The following MYO1H variants were observed in gnomAD, a reference collection of about 807,000 sequenced individuals.
The protein encoded by MYO1H is unconventional myosin-Ih.
In MYO1H, 118 loss-of-function variants were observed where a neutral mutation model predicts 149.3. That is an observed-to-expected ratio of 0.79 (90% CI 0.68 to 0.92). The LOEUF (loss-of-function observed/expected upper bound fraction) is 0.92, where lower values mean the gene tolerates loss of function less well. Ranked by LOEUF, MYO1H falls within the 40% of genes least tolerant of loss-of-function variation. MYO1H has a pLI of 0.00. For synonymous variants in MYO1H, 447 were observed against 465.2 expected, an observed-to-expected ratio of 0.96 and a Z score of 0.50; for missense variants, 1,212 against 1,280.7, an observed-to-expected ratio of 0.95 and a Z score of 0.82.
At chr12:109,425,030 G>A (rs189282641) in intron 17 of MYO1H, among the ~76,000 whole-genome samples, 44 of 152,286 alleles carry the variant, frequency 2.9e-4, no homozygotes, top group Admixed American at 1.4e-3. Context: ...AGCACTTTGG[G>A]AGGCCCAGGT....
intron 14 of MYO1H, 114 bp downstream of exon 14, chr12:109,412,099 C>A (rs1036909363): frequency 3.1e-6 from 2 of 655,278 alleles, no homozygotes; most frequent in Non-Finnish European, 5.1e-6. Context: ...ATAAAAATAT[C>A]TTTATGTATA....
the MYO1H span, among the ~76,000 whole-genome samples, chr12:109,329,735 A>G: frequency 2.6e-5 from 4 of 152,220 alleles, no homozygotes; most frequent in Non-Finnish European, 5.9e-5. Flanking sequence ...TGTTCTTACC[A>G]TGATGCTGTG....
chr12:109,432,793 C>T (rs916057246), intron 19 of MYO1H, 104 bp from the exon 20 acceptor site: 14 of 879,290 alleles, frequency 1.6e-5, no homozygotes, highest in Admixed American at 7.6e-5. Context: ...ACTGAGTGGC[C>T]GACATGCCAC....
chr12:109,326,592 G>T, the MYO1H span, among the ~76,000 whole-genome samples: 3 of 151,162 alleles, frequency 2.0e-5, no homozygotes, highest in African/African-American at 7.3e-5. Context: ...CACAATCTTG[G>T]CTCACTGCAA....
the MYO1H span, among the ~76,000 whole-genome samples, chr12:109,335,076 T>C: frequency 6.6e-6 from 1 of 152,248 alleles, no homozygotes; most frequent in Non-Finnish European, 1.5e-5. Flanking sequence ...ATCCATGTTG[T>C]AGCATGTAGC....
At chr12:109,408,582 G>A (rs1250297203) in intron 10 of MYO1H, among the ~76,000 whole-genome samples, 5 of 152,042 alleles carry the variant, frequency 3.3e-5, no homozygotes, top group South Asian at 2.1e-4. Context: ...CTTCAGTCAC[G>A]TTTCCTTTTC....
chr12:109,443,625 A>G lies in MYO1H; in HGVS notation c.2800A>G (p.Lys934Glu), dbSNP rs553581870. Residue 934 changes from lysine (K) to glutamate (E), a missense_variant, in exon 28 of 32, where the codon AAA (lysine) becomes GAA (glutamate). Coordinates refer to ENST00000310903, the Ensembl canonical transcript of MYO1H. Reference sequence around the variant, plus strand: ...GGTGGAACTTGCCAAAATCAAGCAGAAAATAGAGTACTCAGCTCTCAAAGG... The same window carrying G: ...GGTGGAACTTGCCAAAATCAAGCAGGAAATAGAGTACTCAGCTCTCAAAGG... 3.1e-6 allele frequency: 5 copies of G among 1,613,272 alleles called. No homozygotes were observed. In the South Asian group the frequency reaches 5.5e-5, roughly 18 times the overall value.
At chr12:109,389,718 G>A (rs1293281413) in intron 2 of MYO1H, among the ~76,000 whole-genome samples, 1 of 152,172 alleles carries the variant, frequency 6.6e-6, no homozygotes, top group Non-Finnish European at 1.5e-5. Context: ...TAGTGTCCCT[G>A]TGTGTGTCGT....
chr12:109,382,972 A>G (rs1003301), intron 1 of MYO1H, among the ~76,000 whole-genome samples: 5,729 of 151,580 alleles, frequency 0.038, 115 homozygotes, highest in Middle Eastern at 0.055. Flanking sequence ...CAGTACACAG[A>G]CAATGACAAT....
chr12:109,326,929 T>G, the MYO1H span, among the ~76,000 whole-genome samples: 1 of 151,652 alleles, frequency 6.6e-6, no homozygotes, highest in African/African-American at 2.4e-5. Context: ...TTATAAACTT[T>G]CCCCCCACTC....
At chr12:109,387,420 T>C (rs906372961) in intron 1 of MYO1H, among the ~76,000 whole-genome samples, 1 of 152,242 alleles carries the variant, frequency 6.6e-6, no homozygotes, top group Non-Finnish European at 1.5e-5. Flanking sequence ...GACCTTTGCA[T>C]ATCCATATGT....
At chr12:109,416,378 G>GTTTT (rs771334177) in intron 15 of MYO1H, among the ~76,000 whole-genome samples, 14,731 of 134,962 alleles carry the variant, frequency 0.11, 822 homozygotes, top group Middle Eastern at 0.14. Context: ...TGTTGTTGTT[G>GTTTT]GTTTTTTTTT....
chr12:109,388,627 G>A (rs561035067), intron 1 of MYO1H, 56 bp from the exon 2 acceptor site: 154 of 1,429,554 alleles, frequency 1.1e-4, no homozygotes, highest in Admixed American at 7.3e-4. Flanking sequence ...TGCATTAGAC[G>A]TGTAATAGAT....
chr12:109,371,958 ATTG>A (rs1868992112), intron 1 of MYO1H, among the ~76,000 whole-genome samples: 1 of 152,128 alleles, frequency 6.6e-6, no homozygotes, highest in Admixed American at 6.6e-5. Flanking sequence ...TTTTCTGTGA[ATTG>A]TTGTTTACAT....
chr12:109,407,681 G>A (rs1000058819), intron 9 of MYO1H, 113 bp from the exon 10 acceptor site: 12 of 1,157,276 alleles, frequency 1.0e-5, no homozygotes, highest in Non-Finnish European at 1.3e-5. Flanking sequence ...CTGGGCAGCA[G>A]AGCGAGACCC....
At chr12:109,362,404 G>C (rs1868773400) in intron 1 of MYO1H, among the ~76,000 whole-genome samples, 1 of 152,098 alleles carries the variant, frequency 6.6e-6, no homozygotes, top group South Asian at 2.1e-4. Flanking sequence ...TGTTTTGTAG[G>C]GGAGAAAAGG....
chr12:109,311,718 A>G, the MYO1H span, among the ~76,000 whole-genome samples: 2 of 152,146 alleles, frequency 1.3e-5, no homozygotes, highest in Non-Finnish European at 1.5e-5. Flanking sequence ...TTCATTACAC[A>G]TTATCATTTG....
At chr12:109,404,309 C>T (rs1204406659) in intron 7 of MYO1H, among the ~76,000 whole-genome samples, 5 of 152,098 alleles carry the variant, frequency 3.3e-5, no homozygotes, top group African/African-American at 4.8e-5. Context: ...GAAACCCTGT[C>T]TGTACTAAAA....
chr12:109,392,513 A>G (rs924757472), intron 2 of MYO1H, among the ~76,000 whole-genome samples: 4 of 152,144 alleles, frequency 2.6e-5, no homozygotes, highest in Non-Finnish European at 5.9e-5. Flanking sequence ...GCCTGAGGTC[A>G]GGAGTTCAAG....
Sources: gnomAD v4.1 joint callset for allele counts (sites outside exome capture counted in the v4.1 genomes callset) on GRCh38, gnomAD v4.1.1 for gene constraint, MANE v1.5 for transcripts, NCBI Gene and HGNC (gene_info 2026-07-23, HGNC 2026-07-21) for gene names.